The following SGCD variants were observed in gnomAD, a reference collection of about 807,000 sequenced individuals.
SGCD encodes sarcoglycan delta, also known as delta-sarcoglycan.
In SGCD, 18 loss-of-function variants were observed where a neutral mutation model predicts 36.6. The ratio of observed to expected loss-of-function variants is 0.49; its 90% confidence interval spans 0.34 to 0.73. The LOEUF is 0.73. Among genes scored for constraint, SGCD ranks in the 30% least tolerant of loss-of-function variants. The pLI, the probability that SGCD is intolerant of heterozygous loss-of-function variation, is 0.01. For missense variants in SGCD, 387 were observed against 346.7 expected, an observed-to-expected ratio of 1.12 and a Z score of -0.92; for synonymous variants, 133 against 130.6, an observed-to-expected ratio of 1.02 and a Z score of -0.12.
chr5:156,514,642 TAA>T (rs1339534798), intron 4 of SGCD, among the ~76,000 whole-genome samples: 2 of 152,240 alleles, frequency 1.3e-5, no homozygotes, highest in African/African-American at 2.4e-5. Context: ...TATAGAATTA[TAA>T]AGTCATATAT....
At chr5:156,162,630 C>G (rs1763110676) in intron 3 of SGCD, among the ~76,000 whole-genome samples, 1 of 151,600 alleles carries the variant, frequency 6.6e-6, no homozygotes. Flanking sequence ...TCACCATTCC[C>G]CCATCGTTTT....
At chr5:155,909,527 A>G (rs1009447296) in intron 1 of SGCD, among the ~76,000 whole-genome samples, 6 of 152,164 alleles carry the variant, frequency 3.9e-5, no homozygotes, top group Admixed American at 1.3e-4. Context: ...AGATCACCAG[A>G]ATGCCACTTC....
chr5:155,937,440 C>T (rs895850495), intron 1 of SGCD, among the ~76,000 whole-genome samples: 1 of 152,092 alleles, frequency 6.6e-6, no homozygotes, highest in Non-Finnish European at 1.5e-5. Flanking sequence ...ACTGAAGAAG[C>T]CAGAATGTTA....
chr5:156,384,441 G>T (rs944640316), intron 3 of SGCD, among the ~76,000 whole-genome samples: 5 of 151,948 alleles, frequency 3.3e-5, no homozygotes, highest in Admixed American at 1.3e-4. Context: ...TTGGTGACTT[G>T]GCTCTCTTTC....
chr5:156,345,736 C>A (rs1333495083), intron 3 of SGCD, among the ~76,000 whole-genome samples: 1 of 151,966 alleles, frequency 6.6e-6, no homozygotes, highest in Non-Finnish European at 1.5e-5. Flanking sequence ...ATACCAAAAC[C>A]CTCTTGTTTG....
At chr5:156,404,493 G>A (rs1008017947) in intron 3 of SGCD, among the ~76,000 whole-genome samples, 1 of 152,056 alleles carries the variant, frequency 6.6e-6, no homozygotes, top group African/African-American at 2.4e-5. Context: ...TCACCGTGAG[G>A]GCTCCTTGCC....
intron 3 of SGCD, among the ~76,000 whole-genome samples, chr5:156,220,959 T>C (rs1165147022): frequency 1.3e-5 from 2 of 152,078 alleles, no homozygotes; most frequent in Non-Finnish European, 2.9e-5. Flanking sequence ...GACCAATAGG[T>C]GGATGTCACA....
chr5:156,264,061 G>A (rs891343121), intron 3 of SGCD, among the ~76,000 whole-genome samples: 1 of 151,760 alleles, frequency 6.6e-6, no homozygotes, highest in African/African-American at 2.4e-5. Flanking sequence ...TAAAAAAAAA[G>A]AAAAGAGGAT....
At chr5:156,230,337 A>C (rs1049845642) in intron 3 of SGCD, among the ~76,000 whole-genome samples, 1 of 152,152 alleles carries the variant, frequency 6.6e-6, no homozygotes, top group Non-Finnish European at 1.5e-5. Context: ...TTAGGGCCGA[A>C]GGCTCTTGTT....
chr5:156,674,433 G>T (rs1039089851), intron 7 of SGCD, among the ~76,000 whole-genome samples: 1 of 152,190 alleles, frequency 6.6e-6, no homozygotes. Flanking sequence ...GCCTTAGGAT[G>T]GCTCAGGAGT....
chr5:156,598,087 T>C (rs775466115), intron 6 of SGCD, among the ~76,000 whole-genome samples: 2 of 152,218 alleles, frequency 1.3e-5, no homozygotes, highest in African/African-American at 4.8e-5. Flanking sequence ...TCCCTGCCTA[T>C]AGACTCCAGC....
chr5:155,958,807 G>A (rs769874043), intron 1 of SGCD, among the ~76,000 whole-genome samples: 11 of 152,062 alleles, frequency 7.2e-5, no homozygotes, highest in African/African-American at 1.7e-4. Flanking sequence ...GAAGTTATGC[G>A]TGCGGGAATC....
chr5:155,772,894 T>G, the SGCD span, among the ~76,000 whole-genome samples: 1 of 152,202 alleles, frequency 6.6e-6, no homozygotes, highest in Non-Finnish European at 1.5e-5. Flanking sequence ...CAAGTTCATT[T>G]TACTACGTAA....
At chr5:156,267,060 T>C (rs1397565058) in intron 3 of SGCD, among the ~76,000 whole-genome samples, 1 of 152,212 alleles carries the variant, frequency 6.6e-6, no homozygotes, top group Non-Finnish European at 1.5e-5. Context: ...TGTCACTATA[T>C]GTGCAACCTT....
At chr5:155,810,107 G>A in the SGCD span, among the ~76,000 whole-genome samples, 1 of 152,198 alleles carries the variant, frequency 6.6e-6, no homozygotes, top group Non-Finnish European at 1.5e-5. Flanking sequence ...GAACACACGT[G>A]CTTTGATATT....
chr5:156,733,195 G>A (rs957698473), intron 7 of SGCD, among the ~76,000 whole-genome samples: 4 of 151,886 alleles, frequency 2.6e-5, no homozygotes, highest in East Asian at 1.9e-4. Context: ...AGCATTTAGC[G>A]CTATCAATTT....
intron 7 of SGCD, among the ~76,000 whole-genome samples, chr5:156,670,743 G>A (rs1283083985): frequency 6.6e-6 from 1 of 152,156 alleles, no homozygotes; most frequent in African/African-American, 2.4e-5. Context: ...ATATGAATGA[G>A]AGTAAGACGA....
At chr5:156,379,337 A>T (rs1394030682) in intron 3 of SGCD, among the ~76,000 whole-genome samples, 1 of 152,176 alleles carries the variant, frequency 6.6e-6, no homozygotes, top group African/African-American at 2.4e-5. Context: ...ATACTGAGTA[A>T]ATATCTGCAA....
chr5:155,967,986 A>G (rs1027015913), intron 1 of SGCD, among the ~76,000 whole-genome samples: 8 of 152,098 alleles, frequency 5.3e-5, no homozygotes, highest in Admixed American at 2.6e-4. Context: ...TCAAGAAGAA[A>G]TGTGCTTAAT....
Sources: allele counts gnomAD v4.1 joint callset (sites outside exome capture counted in the v4.1 genomes callset), GRCh38; gene constraint gnomAD v4.1.1; transcripts MANE v1.5; gene names NCBI Gene and HGNC (gene_info 2026-07-23, HGNC 2026-07-21).